The following DIP2C variants were observed in gnomAD, a reference collection of about 807,000 sequenced individuals.
DIP2C encodes DIP2 acetate--CoA ligase C (putative).
In DIP2C, 33 loss-of-function variants were observed where a neutral mutation model predicts 192.4. The observed-to-expected ratio is 0.17, with a 90% CI of 0.13 to 0.23. The LOEUF is 0.23. DIP2C is among the 10% of genes least tolerant of loss of function. The pLI, the probability that DIP2C is intolerant of heterozygous loss-of-function variation, is 1.00. For synonymous variants in DIP2C, 979 were observed against 864.1 expected, an observed-to-expected ratio of 1.13 and a Z score of -2.33; for missense variants, 1,537 against 2,110.1, an observed-to-expected ratio of 0.73 and a Z score of 5.32.
At chr10:337,981 TTGTAGAGGCCTAGGAAGCTGTGTGTGTGC>T (rs1957950256) in intron 29 of DIP2C, among the ~76,000 whole-genome samples, 1 of 150,630 alleles carries the variant, frequency 6.6e-6, no homozygotes, top group Non-Finnish European at 1.5e-5. Context: ...TGTGTGTGTG[TTGTAGAGGCCTAGGAAGCTGTGTGTGTGC>T]TGTGGAGGCC....
chr10:328,960 T>C (rs1006990074), intron 30 of DIP2C, among the ~76,000 whole-genome samples: 2 of 152,202 alleles, frequency 1.3e-5, no homozygotes, highest in African/African-American at 4.8e-5. Context: ...TATTAAAAAA[T>C]GAAACACAAC....
intron 32 of DIP2C, among the ~76,000 whole-genome samples, chr10:296,776 A>T (rs1287727397): frequency 6.6e-6 from 1 of 151,552 alleles, no homozygotes; most frequent in Non-Finnish European, 1.5e-5. Context: ...TTCTCAGCAA[A>T]CTATCACAAG....
intron 1 of DIP2C, among the ~76,000 whole-genome samples, chr10:605,164 A>G (rs1013376408): frequency 7.9e-5 from 12 of 152,132 alleles, no homozygotes; most frequent in African/African-American, 2.4e-4. Flanking sequence ...TGATGCAGAG[A>G]GCTGGTCACT....
chr10:605,576 G>C (rs1046538218), intron 1 of DIP2C, among the ~76,000 whole-genome samples: 2 of 152,150 alleles, frequency 1.3e-5, no homozygotes, highest in Non-Finnish European at 2.9e-5. Context: ...CCCCATTTTA[G>C]ATGGAGTGTG....
intron 1 of DIP2C, among the ~76,000 whole-genome samples, chr10:558,638 AGCCT>A (rs1849035881): frequency 6.6e-6 from 1 of 152,216 alleles, no homozygotes; most frequent in African/African-American, 2.4e-5. Flanking sequence ...CAGGAATCTA[AGCCT>A]GAAAGTGTGT....
At chr10:620,482 G>A (rs1423806250) in intron 1 of DIP2C, among the ~76,000 whole-genome samples, 2 of 152,194 alleles carry the variant, frequency 1.3e-5, no homozygotes, top group Admixed American at 1.3e-4. Flanking sequence ...GATACGGAGG[G>A]AGAAGCCCTG....
intron 35 of DIP2C, among the ~76,000 whole-genome samples, 173 bp downstream of exon 35, chr10:283,099 G>C (rs985636232): frequency 6.6e-6 from 1 of 152,210 alleles, no homozygotes; most frequent in African/African-American, 2.4e-5. Flanking sequence ...GGACACATTT[G>C]CATTTTGCTT....
At chr10:613,001 C>T (rs1853205714) in intron 1 of DIP2C, among the ~76,000 whole-genome samples, 1 of 152,096 alleles carries the variant, frequency 6.6e-6, no homozygotes, top group South Asian at 2.1e-4. Flanking sequence ...GAACGCTGAC[C>T]ACGTTCTTTC....
chr10:494,951 C>T lies in DIP2C; in HGVS notation c.86-8421G>A, dbSNP rs192059515. Reference sequence around the variant, plus strand: ...CTGCATGCTCACATCCACTGCAGCACTATTGACAATCACTTCGATGTGGAA... The same window carrying T: ...CTGCATGCTCACATCCACTGCAGCATTATTGACAATCACTTCGATGTGGAA... On this transcript the variant is annotated intron_variant, in intron 1 of 36. Transcript: ENST00000280886. Among the ~76,000 whole-genome samples, 330 of 152,320 alleles carry T rather than the reference C, an allele frequency of 2.2e-3. 1 individual carries two copies. Among genetic ancestry groups the T allele is most frequent in the Middle Eastern group, 6.8e-3 (2 of 294 alleles).
rs571211647 is a variant in DIP2C, at chr10:278,590, T to C, written c.4419-1013A>G. 5.3e-5 allele frequency among the ~76,000 whole-genome samples: 8 copies of C among 152,308 alleles called. No individual in the cohort carries two copies. In the East Asian group the frequency reaches 1.4e-3, roughly 26 times the overall value. On this transcript the variant is annotated intron_variant, in intron 36 of 36. Coordinates refer to ENST00000280886, the MANE Select transcript of DIP2C (RefSeq NM_014974.3). ...AGATGTGGGGACATTGTAACAACTC[T>C]CTCTAAAGCACTGAGCATGGGCTGG...
At chr10:623,651 G>A (rs1426283731) in intron 1 of DIP2C, among the ~76,000 whole-genome samples, 1 of 108,198 alleles carries the variant, frequency 9.2e-6, no homozygotes, top group Non-Finnish European at 1.8e-5. Context: ...CAGGGGCGAG[G>A]GGAAGAGGGG....
At chr10:366,247 G>GC (rs1339541724) in intron 19 of DIP2C, 28 bp downstream of exon 19, 16 of 1,608,796 alleles carry the variant, frequency 9.9e-6, no homozygotes, top group African/African-American at 1.3e-5. Flanking sequence ...CACAGATGGT[G>GC]CCCATGGTAA....
intron 1 of DIP2C, among the ~76,000 whole-genome samples, chr10:671,820 G>GGAAACAGGCCACAGACGCACGGACGGAC (rs1830659184): frequency 2.5e-5 from 2 of 80,764 alleles, no homozygotes; most frequent in South Asian, 4.8e-4. Context: ...CACGGACGGA[G>GGAAACAGGCCACAGACGCACGGACGGAC]GAAACGCCAC....
intron 5 of DIP2C, among the ~76,000 whole-genome samples, chr10:422,589 A>G (rs562503434): frequency 6.6e-6 from 1 of 152,346 alleles, no homozygotes; most frequent in South Asian, 2.1e-4. Flanking sequence ...GGGAGCGGAT[A>G]CGGCTGCAGG....
At position 357,949 on chromosome 10, in the gene DIP2C, CAG is replaced by C. The variant is rs747567271; in HGVS notation, c.2795-14_2795-13del. The stretch of plus-strand genomic sequence containing the variant: ...GGCAGGGCCGATTTCTAGAAAGAAA[CAG>C]AGACATGGCCATGAGGAAACAAAAG... On this transcript the variant is annotated splice_polypyrimidine_tract_variant and intron_variant, in intron 22 of 36. Coordinates refer to ENST00000280886, the MANE Select transcript of DIP2C (RefSeq NM_014974.3). 10 of 1,594,264 alleles carry C rather than the reference CAG, an allele frequency of 6.3e-6. No individual in the cohort carries two copies. The highest frequency in any genetic ancestry group is 4.0e-5 in the African/African-American group (3 of 74,536).
chr10:574,030 A>C (rs1849990366), intron 1 of DIP2C, among the ~76,000 whole-genome samples: 1 of 152,218 alleles, frequency 6.6e-6, no homozygotes, highest in African/African-American at 2.4e-5. Context: ...TTCTACTCAA[A>C]TTAAGTATCT....
At chr10:540,543 T>C (rs933753233) in intron 1 of DIP2C, among the ~76,000 whole-genome samples, 48 of 152,240 alleles carry the variant, frequency 3.2e-4, no homozygotes, top group African/African-American at 1.1e-3. Flanking sequence ...ATAAGCAATC[T>C]GTAGTGCTTA....
At chr10:594,762 C>G (rs938784944) in intron 1 of DIP2C, among the ~76,000 whole-genome samples, 1 of 152,152 alleles carries the variant, frequency 6.6e-6, no homozygotes, top group African/African-American at 2.4e-5. Context: ...TTTCTCAAGA[C>G]CACACACAAC....
Position 276,550 on chromosome 10 carries a change from GTT to G in DIP2C, c.*773_*774del, listed in dbSNP as rs1954528568. 6.6e-6 allele frequency: 1 copy of G among 152,474 alleles called. No homozygotes were observed. Among genetic ancestry groups the G allele is most frequent in the South Asian group, 2.1e-4 (1 of 4,822 alleles). 9.4% of individuals were successfully genotyped at this position (152,474 alleles called of 1,614,324 possible). ...TTACAAGACTTTAATATTCTTGAATGTTTTTCTCTTTTATAGTTCTAAAGAGA... is the reference window on the plus strand; with the variant it reads ...TTACAAGACTTTAATATTCTTGAATGTTTCTCTTTTATAGTTCTAAAGAGA... On this transcript the variant is annotated 3_prime_UTR_variant, in exon 37 of 37. Coordinates refer to ENST00000280886, the MANE Select transcript of DIP2C (RefSeq NM_014974.3).
Sources: gnomAD v4.1 joint callset for allele counts (sites outside exome capture counted in the v4.1 genomes callset) on GRCh38, gnomAD v4.1.1 for gene constraint, MANE v1.5 for transcripts, NCBI Gene and HGNC (gene_info 2026-07-23, HGNC 2026-07-21) for gene names.